Variants in POLQ observed in about 807,000 individuals in gnomAD.
POLQ encodes the protein epididymis secretory sperm binding protein.
In POLQ, 233 loss-of-function variants were observed where a neutral mutation model predicts 259.2. The ratio of observed to expected loss-of-function variants is 0.90; its 90% CI spans 0.81 to 1.00. POLQ has a LOEUF of 1.00. Among genes scored for constraint, POLQ ranks in the 50% least tolerant of loss-of-function variants. The pLI is 0.00. For missense variants in POLQ, 2,871 were observed against 3,051.6 expected, an observed-to-expected ratio of 0.94 and a Z score of 1.39; for synonymous variants, 1,025 against 1,048.8, an observed-to-expected ratio of 0.98 and a Z score of 0.44.
At chr3:121,464,433 A>C (rs899533050) in intron 24 of POLQ, among the ~76,000 whole-genome samples, 3 of 152,208 alleles carry the variant, frequency 2.0e-5, no homozygotes, top group Non-Finnish European at 4.4e-5. Context: ...AGCATAAATC[A>C]ATATGCAGTA....
chr3:121,496,412 T>G (rs2048125084), intron 14 of POLQ, among the ~76,000 whole-genome samples: 1 of 152,030 alleles, frequency 6.6e-6, no homozygotes, highest in Non-Finnish European at 1.5e-5. Context: ...CCTGACCTCG[T>G]GATCCACCCG....
At chr3:121,480,165 A>G (rs934216067) in intron 19 of POLQ, among the ~76,000 whole-genome samples, 2 of 151,524 alleles carry the variant, frequency 1.3e-5, no homozygotes, top group African/African-American at 4.8e-5. Flanking sequence ...GAAAAAAAAG[A>G]TTTGGAAAAA....
chr3:121,491,863 G>T (rs2048071273), intron 15 of POLQ, among the ~76,000 whole-genome samples: 1 of 151,960 alleles, frequency 6.6e-6, no homozygotes, highest in Non-Finnish European at 1.5e-5. Context: ...AGCAGGAGGT[G>T]AGCTACAGGC....
At position 121,491,883 on chromosome 3, in the gene POLQ, T is replaced by C. The variant is rs544769670; in HGVS notation, c.2523-1475A>G. Among the ~76,000 whole-genome samples, 3 of 152,032 alleles carry C rather than the reference T, an allele frequency of 2.0e-5. No homozygotes were observed. The South Asian group carries it at 6.2e-4, about 32-fold the overall frequency. Reference sequence around the variant, plus strand: ...GAGGTGAGCTACAGGCAAGGGAGCATTGCTGCCTGAGCTCCGCCTCCTGTC... The same window carrying C: ...GAGGTGAGCTACAGGCAAGGGAGCACTGCTGCCTGAGCTCCGCCTCCTGTC... On this transcript the variant is annotated intron_variant, in intron 15 of 29. Coordinates refer to ENST00000264233, the MANE Select transcript of POLQ (RefSeq NM_199420.4).
chr3:121,489,438 C>T lies in POLQ; in HGVS notation c.3493G>A (p.Ala1165Thr). The change falls in exon 16 of 30, where the codon GCA becomes ACA. Residue 1165 changes from alanine (A) to threonine (T), a missense_variant. This residue lies in a region of POLQ where 2,080 missense variants were observed against 2,126.0 expected (regional missense o/e 0.98). Coordinates refer to ENST00000264233, the MANE Select transcript of POLQ (RefSeq NM_199420.4). The part of the protein sequence containing the change: ...SEKGRGVAVE[A>T]EKINEVLIQN... ...ATCAGCACTTCATTTATTTTTTCTGCCTCAACAGCTACTCCTCTGCCCTTT... is the reference window on the plus strand; with the variant it reads ...ATCAGCACTTCATTTATTTTTTCTGTCTCAACAGCTACTCCTCTGCCCTTT... The T allele has an allele frequency of 6.2e-7, 1 of 1,613,924 alleles. No individual in the cohort carries two copies. The highest frequency in any genetic ancestry group is 8.5e-7 in the Non-Finnish European group (1 of 1,179,980).
intron 1 of POLQ, 74 bp downstream of exon 1, chr3:121,545,641 G>C: frequency 7.1e-7 from 1 of 1,399,330 alleles, no homozygotes; most frequent in Admixed American, 2.3e-5. Flanking sequence ...GTCCCGTGGG[G>C]TGAGGACACC....
At chr3:121,462,698 T>C (rs1388257082) in intron 24 of POLQ, among the ~76,000 whole-genome samples, 1 of 152,172 alleles carries the variant, frequency 6.6e-6, no homozygotes, top group East Asian at 1.9e-4. Flanking sequence ...TGCTGAGAAA[T>C]GATCAAGCTG....
At chr3:121,439,912 A>G (rs2047575707) in intron 27 of POLQ, 80 bp downstream of exon 27, 1 of 1,235,428 alleles carries the variant, frequency 8.1e-7, no homozygotes. Context: ...CCTAAAACGG[A>G]TATTTGTAGT....
At chr3:121,486,765 A>T (rs2048014887) in intron 16 of POLQ, among the ~76,000 whole-genome samples, 1 of 152,008 alleles carries the variant, frequency 6.6e-6, no homozygotes, top group African/African-American at 2.4e-5. Flanking sequence ...TGGGAGGCTG[A>T]GGCAGGAGAA....
intron 5 of POLQ, among the ~76,000 whole-genome samples, chr3:121,536,861 G>C (rs2048455098): frequency 6.6e-6 from 1 of 152,020 alleles, no homozygotes; most frequent in African/African-American, 2.4e-5. Context: ...GCCCAGGCTG[G>C]TCTGGAACTC....
At chr3:121,484,196 T>C (rs2047992604) in intron 17 of POLQ, among the ~76,000 whole-genome samples, 1 of 152,204 alleles carries the variant, frequency 6.6e-6, no homozygotes, top group Non-Finnish European at 1.5e-5. Context: ...CTTTAAAATG[T>C]TTCCTTATTA....
At position 121,487,604 on chromosome 3, in the gene POLQ, G is replaced by A. The variant is rs2048023172; in HGVS notation, c.5327C>T (p.Ser1776Leu). 6.2e-7 allele frequency: 1 copy of A among 1,613,984 alleles called. No individual in the cohort carries two copies. Among genetic ancestry groups the A allele is most frequent in the Non-Finnish European group, 8.5e-7 (1 of 1,179,936 alleles). Residue 1776 changes from serine to leucine, a missense_variant, in exon 16 of 30, where the codon TCA (serine) becomes TTA (leucine). By Grantham distance (145) the Ser-to-Leu change is moderately radical (BLOSUM62 -2). This residue lies in a region of POLQ where 2,080 missense variants were observed against 2,126.0 expected (regional missense o/e 0.98). Transcript: ENST00000264233. ...LQPGESYLFGSPSDIKNHDLS... is the reference protein window; with the variant it reads ...LQPGESYLFGLPSDIKNHDLS... ...ATCGTGGTTTTTAATATCTGAAGGT[G>A]AGCCAAATAAATAACTTTCACCAGG...
intron 6 of POLQ, 108 bp from the exon 7 acceptor site, chr3:121,529,900 C>A: frequency 6.9e-6 from 5 of 720,630 alleles, no homozygotes; most frequent in South Asian, 2.2e-5. Context: ...TTCTTTAAGG[C>A]ATAATGAAAA....
Position 121,496,927 on chromosome 3 carries a change from A to G in POLQ, c.2159T>C (p.Phe720Ser), listed in dbSNP as rs1187768228. The part of the protein sequence containing the change: ...HRQMAIHKRF[F>S]TSLVLLDLIS... ...TAAATCTAATAGCACAAGACTGGTG[A>G]AAAACCTGGGAATAAATCATCAAAA... Residue 720 changes from phenylalanine (F) to serine (S), a missense_variant, in exon 14 of 30, where the codon TTC becomes TCC. Phe to Ser is a radical substitution (Grantham distance 155, BLOSUM62 -2). Coordinates refer to ENST00000264233, the MANE Select transcript of POLQ (RefSeq NM_199420.4). The G allele has an allele frequency of 2.5e-6, 4 of 1,611,756 alleles. No individual in the cohort carries two copies. The highest frequency in any genetic ancestry group is 3.4e-6 in the Non-Finnish European group (4 of 1,179,510).
In POLQ at chr3:121,498,453, G is replaced by T. The variant is rs773107260; in HGVS notation, c.2153+24C>A. 1.9e-6 allele frequency: 3 copies of T among 1,569,646 alleles called. No homozygotes were observed. The South Asian group carries it at 3.4e-5, about 18-fold the overall frequency. ...GCAAGACACTGTGTTAAATACCGGA[G>T]AGCCCAGAGACCTTGACGTTTACCT... is the stretch of plus-strand genomic sequence containing the variant. On this transcript the variant is annotated intron_variant, in intron 13 of 29. Coordinates refer to ENST00000264233, the MANE Select transcript of POLQ (RefSeq NM_199420.4).
intron 26 of POLQ, among the ~76,000 whole-genome samples, chr3:121,446,135 G>A (rs1356089791): frequency 6.6e-6 from 1 of 151,212 alleles, no homozygotes; most frequent in Non-Finnish European, 1.5e-5. Context: ...TTGGTGTGTT[G>A]TATTTCCATT....
intron 9 of POLQ, among the ~76,000 whole-genome samples, chr3:121,517,327 C>T (rs1050152717): frequency 2.0e-5 from 3 of 151,716 alleles, no homozygotes; most frequent in African/African-American, 7.3e-5. Context: ...GGATAAACGT[C>T]TCTGATGTCA....
intron 7 of POLQ, 110 bp downstream of exon 7, chr3:121,529,535 A>G (rs1224748181): frequency 3.1e-5 from 30 of 975,964 alleles, no homozygotes; most frequent in Non-Finnish European, 4.8e-5. Context: ...CCTAGTGGGC[A>G]GGCAGTGACA....
chr3:121,493,155 AGCTGG>A (rs2048083558), intron 15 of POLQ, among the ~76,000 whole-genome samples: 2 of 152,082 alleles, frequency 1.3e-5, no homozygotes, highest in Non-Finnish European at 2.9e-5. Flanking sequence ...TACAAAAATT[AGCTGG>A]GCCTGGTGGT....
Sources: allele counts gnomAD v4.1 joint callset (sites outside exome capture counted in the v4.1 genomes callset), GRCh38; gene constraint gnomAD v4.1.1; regional missense constraint gnomAD v4.1.1; transcripts MANE v1.5; gene names NCBI Gene and HGNC (gene_info 2026-07-23, HGNC 2026-07-21).